Variants in GMDS observed in about 807,000 individuals in gnomAD.
GMDS encodes the protein GDP-mannose 4,6-dehydratase.
Under a neutral mutation model 49.9 loss-of-function variants are expected in GMDS, and 20 were observed. The ratio of observed to expected loss-of-function variants is 0.40; its 90% CI spans 0.28 to 0.58. The LOEUF is 0.58. Ranked by LOEUF, GMDS falls within the 20% of genes least tolerant of loss-of-function variation. The pLI is 0.42. For missense variants in GMDS, 362 were observed against 481.4 expected (o/e 0.75, Z 2.32); for synonymous variants, 177 against 178.6 (o/e 0.99, Z 0.07).
chr6:2,206,028 G>A (rs1414739772), intron 1 of GMDS, among the ~76,000 whole-genome samples: 1 of 152,140 alleles, frequency 6.6e-6, no homozygotes, highest in African/African-American at 2.4e-5. Context: ...GGAGGCCAAG[G>A]CGGGCAGATC....
intron 9 of GMDS, 70 bp downstream of exon 9, chr6:1,726,346 T>A: frequency 1.0e-6 from 1 of 991,984 alleles, no homozygotes; most frequent in Non-Finnish European, 1.6e-6. Flanking sequence ...GCACCAGGCA[T>A]TCCATGAGCG....
chr6:1,799,567 T>C (rs1769866700), intron 7 of GMDS, among the ~76,000 whole-genome samples: 2 of 152,188 alleles, frequency 1.3e-5, no homozygotes, highest in African/African-American at 4.8e-5. Flanking sequence ...GTGCTTTTCC[T>C]TCCCTACTTT....
intron 7 of GMDS, among the ~76,000 whole-genome samples, chr6:1,857,190 G>C (rs1214087985): frequency 3.3e-5 from 5 of 152,156 alleles, no homozygotes; most frequent in Non-Finnish European, 5.9e-5. Context: ...TCTTAGAGAT[G>C]GTACAGAGGA....
chr6:1,921,575 T>C (rs935622982), intron 7 of GMDS, among the ~76,000 whole-genome samples: 3 of 152,236 alleles, frequency 2.0e-5, no homozygotes, highest in African/African-American at 7.2e-5. Context: ...GCTGAATTTG[T>C]TATACAGAGT....
intron 9 of GMDS, among the ~76,000 whole-genome samples, chr6:1,626,515 C>T (rs887792779): frequency 3.9e-5 from 6 of 152,162 alleles, no homozygotes; most frequent in Admixed American, 2.0e-4. Context: ...TTGCTATAAG[C>T]GTCACACAAA....
At chr6:2,043,173 G>T (rs150765343) in intron 4 of GMDS, among the ~76,000 whole-genome samples, 23 of 152,332 alleles carry the variant, frequency 1.5e-4, no homozygotes, top group Non-Finnish European at 2.8e-4. Flanking sequence ...CACAGTGACA[G>T]CTGTCCTCTG....
At chr6:1,691,416 C>G (rs1032838411) in intron 9 of GMDS, among the ~76,000 whole-genome samples, 1 of 152,130 alleles carries the variant, frequency 6.6e-6, no homozygotes, top group African/African-American at 2.4e-5. Flanking sequence ...GGCCTTAATA[C>G]TTAGGTGATG....
At chr6:2,226,508 A>G (rs1484847291) in intron 1 of GMDS, among the ~76,000 whole-genome samples, 3 of 152,210 alleles carry the variant, frequency 2.0e-5, no homozygotes, top group African/African-American at 7.2e-5. Flanking sequence ...ACAAAAGTTA[A>G]TCGATAAATA....
At chr6:1,837,118 T>A (rs866080403) in intron 7 of GMDS, among the ~76,000 whole-genome samples, 1 of 152,240 alleles carries the variant, frequency 6.6e-6, no homozygotes, top group Non-Finnish European at 1.5e-5. Context: ...GTAAATTGCA[T>A]TAAAATGTGT....
At chr6:1,914,893 G>A (rs1187313296) in intron 7 of GMDS, among the ~76,000 whole-genome samples, 1 of 152,184 alleles carries the variant, frequency 6.6e-6, no homozygotes, top group Admixed American at 6.5e-5. Flanking sequence ...CTCCCACACA[G>A]GCCCCCCTCC....
chr6:1,867,782 T>C (rs1169070482), intron 7 of GMDS, among the ~76,000 whole-genome samples: 2 of 152,032 alleles, frequency 1.3e-5, no homozygotes, highest in African/African-American at 4.8e-5. Context: ...AGAAAACAAA[T>C]CAGAATAAAA....
intron 7 of GMDS, among the ~76,000 whole-genome samples, chr6:1,792,067 C>T (rs1230495138): frequency 6.6e-6 from 1 of 152,154 alleles, no homozygotes; most frequent in Non-Finnish European, 1.5e-5. Flanking sequence ...TATTTATATA[C>T]TTTTAAACTC....
intron 1 of GMDS, among the ~76,000 whole-genome samples, chr6:2,131,110 T>C (rs945047340): frequency 1.3e-5 from 2 of 152,208 alleles, no homozygotes; most frequent in East Asian, 1.9e-4. Context: ...CAGTCTCTTT[T>C]ATATTGCAAA....
intron 7 of GMDS, among the ~76,000 whole-genome samples, chr6:1,859,956 A>C (rs1054386770): frequency 5.3e-5 from 8 of 152,212 alleles, no homozygotes; most frequent in Non-Finnish European, 8.8e-5. Flanking sequence ...CTTTAATATG[A>C]TTGGAGTAGA....
intron 7 of GMDS, among the ~76,000 whole-genome samples, chr6:1,876,015 C>A (rs1259642978): frequency 6.1e-4 from 79 of 129,176 alleles, no homozygotes; most frequent in Non-Finnish European, 6.8e-4. Flanking sequence ...AGCACTATCT[C>A]AAAAAAAAAA....
chr6:2,029,077 T>C (rs1276017421), intron 4 of GMDS, among the ~76,000 whole-genome samples: 2 of 151,958 alleles, frequency 1.3e-5, no homozygotes, highest in Non-Finnish European at 2.9e-5. Context: ...TAGATAATTA[T>C]ATATGTTTAA....
At position 1,786,760 on chromosome 6, in the gene GMDS, G is replaced by A. The variant is rs113458066; in HGVS notation, c.772-44174C>T. On this transcript the variant is annotated intron_variant, in intron 7 of 10. Coordinates refer to ENST00000380815, the MANE Select transcript of GMDS (RefSeq NM_001500.4). ...CTCCTAAATGAGACAGTTGTATAGC[G>A]AAATTATTAAAATCAAGGAAATCTG... is the stretch of plus-strand genomic sequence containing the variant. 5.3e-3 allele frequency among the ~76,000 whole-genome samples: 797 copies of A among 151,726 alleles called. 6 individuals carry two copies. Among genetic ancestry groups the A allele is most frequent in the African/African-American group, 0.018 (753 of 41,350 alleles).
At chr6:1,704,814 G>A (rs1765673279) in intron 9 of GMDS, among the ~76,000 whole-genome samples, 1 of 151,902 alleles carries the variant, frequency 6.6e-6, no homozygotes, top group African/African-American at 2.4e-5. Flanking sequence ...AAGGCCACCT[G>A]GCTATGACAG....
intron 7 of GMDS, among the ~76,000 whole-genome samples, chr6:1,901,254 C>T (rs183253999): frequency 3.5e-4 from 53 of 152,314 alleles, no homozygotes; most frequent in African/African-American, 1.1e-3. Context: ...ACGTTTCTCT[C>T]CACGACCGTG....
Sources: gnomAD v4.1 joint callset for allele counts (sites outside exome capture counted in the v4.1 genomes callset) on GRCh38, gnomAD v4.1.1 for gene constraint, MANE v1.5 for transcripts, NCBI Gene and HGNC (gene_info 2026-07-23, HGNC 2026-07-21) for gene names.